Variants in RAB1A observed in about 807,000 individuals in gnomAD.
RAB1A encodes the protein ras-related protein Rab-1A.
Under a neutral mutation model 26.0 loss-of-function variants are expected in RAB1A, and 2 were observed. The observed-to-expected ratio is 0.08, with a 90% CI of 0.03 to 0.24. The LOEUF (loss-of-function observed/expected upper bound fraction) is 0.24, where lower values mean the gene tolerates loss of function less well. Ranked by LOEUF, RAB1A falls within the 10% of genes least tolerant of loss-of-function variation. The probability of loss-of-function intolerance (pLI) is 1.00; values close to 1 mark genes in which losing one functional copy is unlikely to be tolerated. For synonymous variants in RAB1A, 84 were observed against 84.9 expected, an observed-to-expected ratio of 0.99 and a Z score of 0.06; for missense variants, 100 against 247.0, an observed-to-expected ratio of 0.40 and a Z score of 3.99.
Position 65,089,035 on chromosome 2 carries a change from T to A in RAB1A, c.324A>T (p.Glu108Asp). Reference sequence around the variant, plus strand: ...CATTTTCACTGGCATAACGATCTATTTCCTGCAGCCACTGTTTAACATTAT... The same window carrying A: ...CATTTTCACTGGCATAACGATCTATATCCTGCAGCCACTGTTTAACATTAT... ...SFNNVKQWLQEIDRYASENVN... is the reference protein window; with the variant it reads ...SFNNVKQWLQDIDRYASENVN... Residue 108 changes from glutamate (E) to aspartate (D), a missense_variant, in exon 5 of 6, where the codon GAA (glutamate) becomes GAT (aspartate). Physicochemically the swap from Glu to Asp is conservative, Grantham distance 45. Coordinates refer to ENST00000409784, the MANE Select transcript of RAB1A (RefSeq NM_004161.5). 1 of 1,610,666 alleles carries A rather than the reference T, an allele frequency of 6.2e-7. No individual in the cohort carries two copies. Among genetic ancestry groups the A allele is most frequent in the Non-Finnish European group, 8.5e-7 (1 of 1,177,890 alleles).
At chr2:65,089,100 T>C (rs1304343283) in intron 4 of RAB1A, 30 bp from the exon 5 acceptor site, 4 of 1,570,064 alleles carry the variant, frequency 2.5e-6, no homozygotes, top group East Asian at 2.2e-5. Flanking sequence ...ACTGATAATA[T>C]AGTTCGATAA....
At chr2:65,102,321 T>C (rs1272577421) in intron 2 of RAB1A, among the ~76,000 whole-genome samples, 1 of 152,080 alleles carries the variant, frequency 6.6e-6, no homozygotes, top group Admixed American at 6.6e-5. Flanking sequence ...CCACCTATGT[T>C]TTATTCTAGT....
chr2:65,113,422 C>G (rs1448477345), intron 1 of RAB1A, among the ~76,000 whole-genome samples: 4 of 152,134 alleles, frequency 2.6e-5, no homozygotes, highest in Non-Finnish European at 5.9e-5. Context: ...AGGAGGGTAA[C>G]TTGAGCCCAG....
Position 65,087,950 on chromosome 2 carries a change from A to G in RAB1A, c.*543T>C, listed in dbSNP as rs1669074572. 1 of 152,834 alleles carries G rather than the reference A, an allele frequency of 6.5e-6. No individual in the cohort carries two copies. The highest frequency in any genetic ancestry group is 1.5e-5 in the Non-Finnish European group (1 of 68,174). 9.5% of individuals were successfully genotyped at this position (152,834 alleles called of 1,614,324 possible). A position where few individuals can be genotyped will look rare whatever the true frequency, so the allele number is the denominator to read the frequency against. On this transcript the variant is annotated 3_prime_UTR_variant, in exon 6 of 6. Transcript: ENST00000409784. Reference sequence around the variant, plus strand: ...TGTTACATAGTGTGCAACAAATTACAATATTCTGCAGCCACAAATTATATG... The same window carrying G: ...TGTTACATAGTGTGCAACAAATTACGATATTCTGCAGCCACAAATTATATG...
At chr2:65,091,340 T>C (rs1669166363) in intron 3 of RAB1A, among the ~76,000 whole-genome samples, 1 of 152,162 alleles carries the variant, frequency 6.6e-6, no homozygotes, top group Admixed American at 6.5e-5. Flanking sequence ...TATGTCATAC[T>C]TTTCACATTC....
intron 1 of RAB1A, among the ~76,000 whole-genome samples, chr2:65,123,598 TGGGTGGATCACGAGGTCA>T (rs1670023725): frequency 6.6e-6 from 1 of 151,378 alleles, no homozygotes; most frequent in South Asian, 2.1e-4. Context: ...TTGGCTGAGG[TGGGTGGATCACGAGGTCA>T]GGAGTTTGAG....
rs943120131 is a variant in RAB1A at position 65,119,417 on chromosome 2, G to C, written c.23+10476C>G. ...AGCTACTCAGGAGGCTGAGGCAGGAGAATCGCTTGAACCTGGGAGGCAGAG... is the reference window on the plus strand; with the variant it reads ...AGCTACTCAGGAGGCTGAGGCAGGACAATCGCTTGAACCTGGGAGGCAGAG... On this transcript the variant is annotated intron_variant, in intron 1 of 5. Transcript: ENST00000409784. Among the ~76,000 whole-genome samples the C allele has an allele frequency of 5.9e-5, 9 of 151,802 alleles. 1 individual carries two copies. Among genetic ancestry groups the C allele is most frequent in the African/African-American group, 2.2e-4 (9 of 41,292 alleles).
At chr2:65,097,599 C>T (rs986316547) in intron 3 of RAB1A, among the ~76,000 whole-genome samples, 1 of 151,976 alleles carries the variant, frequency 6.6e-6, no homozygotes, top group Non-Finnish European at 1.5e-5. Flanking sequence ...GAATCTCTTC[C>T]TAGGGTTCCT....
chr2:65,128,772 C>T (rs1256864376), intron 1 of RAB1A, among the ~76,000 whole-genome samples: 1 of 152,118 alleles, frequency 6.6e-6, no homozygotes, highest in Non-Finnish European at 1.5e-5. Context: ...AGGCCTTTGA[C>T]ACTGAAAAGG....
intron 1 of RAB1A, among the ~76,000 whole-genome samples, chr2:65,122,508 G>A (rs1279183503): frequency 2.6e-5 from 4 of 152,028 alleles, no homozygotes; most frequent in Admixed American, 2.6e-4. Flanking sequence ...GCTATAGTAA[G>A]TTATGATTGC....
chr2:65,088,869 C>T, intron 5 of RAB1A, 70 bp downstream of exon 5: 3 of 1,462,716 alleles, frequency 2.1e-6, no homozygotes, highest in Admixed American at 2.2e-5. Flanking sequence ...TGTGGCCTTA[C>T]TGTTACTGCA....
rs1670200947 is a variant in RAB1A at position 65,129,959 on chromosome 2, C to T, written c.-44G>A. 3.2e-6 allele frequency: 5 copies of T among 1,569,614 alleles called. No homozygotes were observed. The highest frequency in any genetic ancestry group is 4.3e-6 in the Non-Finnish European group (5 of 1,158,454). On this transcript the variant is annotated 5_prime_UTR_variant, in exon 1 of 6. Transcript: ENST00000409784. ...GCCGCCACCGCCGCCCTTGCTGCCG[C>T]AGCCGCCGCCCTGACTCTCCGCGCC...
chr2:65,106,941 C>T (rs1273197661), intron 1 of RAB1A, among the ~76,000 whole-genome samples: 3 of 152,008 alleles, frequency 2.0e-5, no homozygotes, highest in Admixed American at 1.3e-4. Context: ...TTAGTAGAGA[C>T]GGGATTTAGC....
chr2:65,113,355 A>C (rs1669745982), intron 1 of RAB1A, among the ~76,000 whole-genome samples: 1 of 152,084 alleles, frequency 6.6e-6, no homozygotes, highest in Non-Finnish European at 1.5e-5. Context: ...ATGCCTTTAA[A>C]AAAAGCCTGG....
At chr2:65,106,455 G>A (rs971585896) in intron 1 of RAB1A, 8 of 282,486 alleles carry the variant, frequency 2.8e-5, no homozygotes, top group East Asian at 2.5e-4. Context: ...TTCTATAAGC[G>A]ATTATCTTTG....
Position 65,091,127 on chromosome 2 carries a change from T to C in RAB1A, c.193-49A>G, listed in dbSNP as rs1573062714. 4 of 1,443,864 alleles carry C rather than the reference T, an allele frequency of 2.8e-6. No homozygotes were observed. In the African/African-American group the frequency reaches 4.2e-5, roughly 15 times the overall value. 89.4% of individuals were successfully genotyped at this position (1,443,864 alleles called of 1,614,324 possible). ...CCAAACAATTCCATTAAAATAAAGTTGGGGAAAAGTGTAGGAGGGAGGGGA... is the reference window on the plus strand; with the variant it reads ...CCAAACAATTCCATTAAAATAAAGTCGGGGAAAAGTGTAGGAGGGAGGGGA... On this transcript the variant is annotated intron_variant, in intron 3 of 5. Coordinates refer to ENST00000409784, the MANE Select transcript of RAB1A (RefSeq NM_004161.5).
chr2:65,098,836 C>CTTTTTTT (rs70943624), intron 2 of RAB1A, among the ~76,000 whole-genome samples: 55,701 of 102,164 alleles, frequency 0.55, 15,767 homozygotes, highest in Non-Finnish European at 0.6. Context: ...AACAGTACTT[C>CTTTTTTT]TTTTTTTTTT....
chr2:65,090,437 T>G (rs140923786), intron 4 of RAB1A, among the ~76,000 whole-genome samples: 55 of 152,314 alleles, frequency 3.6e-4, no homozygotes, highest in Admixed American at 7.8e-4. Flanking sequence ...TGCTTCACAC[T>G]GTCCCACATT....
At chr2:65,125,041 C>G (rs902637762) in intron 1 of RAB1A, among the ~76,000 whole-genome samples, 2 of 96,886 alleles carry the variant, frequency 2.1e-5, no homozygotes, top group African/African-American at 8.0e-5. Context: ...ATTTGAAACA[C>G]AATGCAAGCA....
Sources: gnomAD v4.1 joint callset for allele counts (sites outside exome capture counted in the v4.1 genomes callset) on GRCh38, gnomAD v4.1.1 for gene constraint, MANE v1.5 for transcripts, NCBI Gene and HGNC (gene_info 2026-07-23, HGNC 2026-07-21) for gene names.